GRK5: variants seen among roughly 807,000 people sequenced by gnomAD.
The protein encoded by GRK5 is g protein-coupled receptor kinase GRK5.
In GRK5, 40 loss-of-function variants were observed where a neutral mutation model predicts 78.4. That is an observed-to-expected ratio of 0.51 (90% CI 0.40 to 0.66). GRK5 has a LOEUF of 0.66. Ranked by LOEUF, GRK5 falls within the 30% of genes least tolerant of loss-of-function variation. The probability of loss-of-function intolerance (pLI) is 0.00; values close to 1 mark genes in which losing one functional copy is unlikely to be tolerated. For missense variants in GRK5, 598 were observed against 759.9 expected (o/e 0.79, Z 2.50); for synonymous variants, 289 against 296.8 (o/e 0.97, Z 0.27).
chr10:119,400,752 G>A (rs890619765), intron 4 of GRK5, among the ~76,000 whole-genome samples: 2 of 152,226 alleles, frequency 1.3e-5, no homozygotes, highest in Admixed American at 6.5e-5. Context: ...GGAGGAATAA[G>A]GGGGATGAGG....
chr10:119,230,105 G>A (rs1439906996), intron 1 of GRK5, among the ~76,000 whole-genome samples: 2 of 152,164 alleles, frequency 1.3e-5, no homozygotes, highest in African/African-American at 2.4e-5. Flanking sequence ...TTGTGGGGGA[G>A]CAGGGAGCAG....
chr10:119,241,323 C>T (rs533452474), intron 1 of GRK5, among the ~76,000 whole-genome samples: 1 of 152,258 alleles, frequency 6.6e-6, no homozygotes, highest in South Asian at 2.1e-4. Flanking sequence ...GGGAAAGTGA[C>T]CCTAGAACAC....
At chr10:119,303,230 G>T (rs1010891515) in intron 1 of GRK5, among the ~76,000 whole-genome samples, 3 of 152,236 alleles carry the variant, frequency 2.0e-5, no homozygotes, top group Non-Finnish European at 4.4e-5. Context: ...TCTGTAAACA[G>T]ACGATCTATA....
intron 5 of GRK5, among the ~76,000 whole-genome samples, chr10:119,424,302 A>T (rs1291841832): frequency 2.0e-5 from 3 of 152,084 alleles, no homozygotes; most frequent in Non-Finnish European, 4.4e-5. Context: ...CCCAGGCTCC[A>T]AGTGCCTGTG....
chr10:119,295,301 G>A (rs997805722), intron 1 of GRK5, among the ~76,000 whole-genome samples: 10 of 151,882 alleles, frequency 6.6e-5, no homozygotes, highest in Non-Finnish European at 1.2e-4. Context: ...CACTGGTCAG[G>A]ACACAGTTGG....
intron 2 of GRK5, chr10:119,333,649 C>T (rs897693789): frequency 7.0e-6 from 3 of 428,586 alleles, no homozygotes; most frequent in Admixed American, 2.5e-5. Flanking sequence ...AGGGAGACTA[C>T]TTAGGTGCTC....
intron 1 of GRK5, among the ~76,000 whole-genome samples, chr10:119,239,155 C>T (rs1358576913): frequency 2.6e-5 from 4 of 151,840 alleles, no homozygotes; most frequent in Non-Finnish European, 5.9e-5. Flanking sequence ...CAGTTAAGGG[C>T]CTTTCCCATG....
intron 2 of GRK5, among the ~76,000 whole-genome samples, chr10:119,372,711 A>T (rs1403767763): frequency 6.6e-6 from 1 of 152,204 alleles, no homozygotes; most frequent in African/African-American, 2.4e-5. Flanking sequence ...TTCTTTCTAT[A>T]TGGCCACAAG....
chr10:119,234,417 A>G (rs185507824), intron 1 of GRK5, among the ~76,000 whole-genome samples: 4 of 152,230 alleles, frequency 2.6e-5, no homozygotes, highest in African/African-American at 9.6e-5. Context: ...GGCAAGTACA[A>G]CTGGTTAATT....
intron 1 of GRK5, among the ~76,000 whole-genome samples, chr10:119,255,176 G>C (rs1186436699): frequency 2.6e-5 from 4 of 152,148 alleles, no homozygotes; most frequent in Non-Finnish European, 5.9e-5. Context: ...TGACTTCCCT[G>C]ATGGGAGGAG....
intron 2 of GRK5, among the ~76,000 whole-genome samples, chr10:119,358,627 GA>G (rs1279278422): frequency 6.6e-6 from 1 of 152,176 alleles, no homozygotes; most frequent in Non-Finnish European, 1.5e-5. Context: ...CCCCATTTTA[GA>G]GACCAGGAAA....
intron 2 of GRK5, among the ~76,000 whole-genome samples, chr10:119,359,234 G>C (rs890628753): frequency 6.6e-6 from 1 of 152,184 alleles, no homozygotes; most frequent in African/African-American, 2.4e-5. Flanking sequence ...TCCTGGAGGA[G>C]ATGTGTGTAC....
At chr10:119,237,933 AG>A (rs1306220943) in intron 1 of GRK5, among the ~76,000 whole-genome samples, 1 of 3,568 alleles carries the variant, frequency 2.8e-4, no homozygotes, top group Non-Finnish European at 1.7e-3. Context: ...AGAGGGATGG[AG>A]GAAGGGGCTG....
At chr10:119,245,756 G>A (rs1335165596) in intron 1 of GRK5, among the ~76,000 whole-genome samples, 2 of 152,100 alleles carry the variant, frequency 1.3e-5, no homozygotes, top group African/African-American at 2.4e-5. Flanking sequence ...GGTGGCTCAC[G>A]CCTGTAATCC....
intron 6 of GRK5, among the ~76,000 whole-genome samples, chr10:119,427,176 C>T (rs1169861975): frequency 6.6e-6 from 1 of 151,376 alleles, no homozygotes; most frequent in Non-Finnish European, 1.5e-5. Flanking sequence ...CCATCATCAG[C>T]ATCACCGCCA....
intron 2 of GRK5, among the ~76,000 whole-genome samples, chr10:119,373,855 TGAAGTGCAATAATAC>T (rs1181098790): frequency 6.6e-6 from 1 of 152,058 alleles, no homozygotes; most frequent in Admixed American, 6.5e-5. Flanking sequence ...GACAATAAAG[TGAAGTGCAATAATAC>T]GAGTGTGCCT....
chr10:119,256,192 G>A (rs1849280536), intron 1 of GRK5, among the ~76,000 whole-genome samples: 1 of 152,006 alleles, frequency 6.6e-6, no homozygotes, highest in African/African-American at 2.4e-5. Context: ...CCACCCTCTC[G>A]CTGCCTGCAG....
At chr10:119,354,395 CTT>C (rs60146483) in intron 2 of GRK5, among the ~76,000 whole-genome samples, 35 of 87,808 alleles carry the variant, frequency 4.0e-4, no homozygotes, top group African/African-American at 1.3e-3. Flanking sequence ...CCTACATCTC[CTT>C]TTTTTTTTTT....
intron 1 of GRK5, among the ~76,000 whole-genome samples, chr10:119,301,222 A>T (rs1176534255): frequency 2.6e-5 from 4 of 152,080 alleles, no homozygotes; most frequent in Non-Finnish European, 5.9e-5. Context: ...ACACCCCAGG[A>T]CCCTCCGGGA....
Sources: gnomAD v4.1 joint callset for allele counts (sites outside exome capture counted in the v4.1 genomes callset) on GRCh38, gnomAD v4.1.1 for gene constraint, MANE v1.5 for transcripts, NCBI Gene and HGNC (gene_info 2026-07-23, HGNC 2026-07-21) for gene names.